Variants in EIF3J observed in about 807,000 individuals in gnomAD.
The protein encoded by EIF3J is eukaryotic translation initiation factor 3 subunit J, also known as eukaryotic translation initiation factor 3, subunit 1 (alpha, 35kD).
A neutral mutation model predicts 39.0 loss-of-function variants in EIF3J; 15 were observed. That is an observed-to-expected ratio of 0.38 (90% CI 0.26 to 0.59). The LOEUF is 0.59. EIF3J is among the 20% of genes least tolerant of loss of function. The pLI is 0.60. For missense variants in EIF3J, 226 were observed against 308.6 expected, an observed-to-expected ratio of 0.73 and a Z score of 2.00; for synonymous variants, 98 against 112.9, an observed-to-expected ratio of 0.87 and a Z score of 0.84.
At chr15:44,559,899 G>A (rs2082177789) in intron 6 of EIF3J, among the ~76,000 whole-genome samples, 1 of 151,990 alleles carries the variant, frequency 6.6e-6, no homozygotes, top group African/African-American at 2.4e-5. Context: ...GGTGATTACA[G>A]GTCGTCATTA....
intron 5 of EIF3J, among the ~76,000 whole-genome samples, chr15:44,556,243 G>A (rs2082143413): frequency 6.6e-6 from 1 of 152,126 alleles, no homozygotes; most frequent in Non-Finnish European, 1.5e-5. Flanking sequence ...ACTTTCACAG[G>A]ATCCATCTTT....
At chr15:44,554,712 G>T (rs753368081) in intron 5 of EIF3J, 45 bp downstream of exon 5, 1 of 1,301,058 alleles carries the variant, frequency 7.7e-7, no homozygotes, top group Non-Finnish European at 1.1e-6. Context: ...ACTGTTACAG[G>T]TGAAGACCCA....
chr15:44,539,778 A>G (rs1567114990), intron 2 of EIF3J, among the ~76,000 whole-genome samples: 2 of 127,834 alleles, frequency 1.6e-5, no homozygotes, highest in South Asian at 2.5e-4. Context: ...CTATTCATCT[A>G]ATTTTTTGAG....
At position 44,561,221 on chromosome 15, in the gene EIF3J, C is replaced by A; in HGVS notation, c.*72C>A. 2 of 1,515,152 alleles carry A rather than the reference C, an allele frequency of 1.3e-6. No individual in the cohort carries two copies. Among genetic ancestry groups the A allele is most frequent in the Non-Finnish European group, 1.8e-6 (2 of 1,124,864 alleles). The allele number at this position is 1,515,152 out of a possible 1,614,324, so 93.9% of individuals were successfully genotyped here. Reference sequence around the variant, plus strand: ...TGAACATGTAGCACAACTTCCTTTCCTTTCAGTTCTGCCAAATGCTACAAT... The same window carrying A: ...TGAACATGTAGCACAACTTCCTTTCATTTCAGTTCTGCCAAATGCTACAAT... On this transcript the variant is annotated 3_prime_UTR_variant, in exon 8 of 8. Coordinates refer to ENST00000261868, the MANE Select transcript of EIF3J (RefSeq NM_003758.4).
intron 2 of EIF3J, 87 bp downstream of exon 2, chr15:44,537,514 C>T: frequency 7.4e-7 from 1 of 1,358,894 alleles, no homozygotes; most frequent in Non-Finnish European, 9.6e-7. Flanking sequence ...CTGCCGGGGC[C>T]TGCGGGCCGT....
chr15:44,559,550 AC>A (rs1405837053), intron 6 of EIF3J, among the ~76,000 whole-genome samples: 5 of 141,652 alleles, frequency 3.5e-5, no homozygotes, highest in African/African-American at 1.1e-4. Context: ...TACTAAAAAT[AC>A]AAAAAATTAG....
rs1208429325 is a variant in EIF3J, at chr15:44,540,294, G to C, written c.147+2867G>C. ...TTTTTTTTTTTTTTTGTAGATACAGGGTTTCGCCATGTTACCTAGGCTGGT... is the reference window on the plus strand; with the variant it reads ...TTTTTTTTTTTTTTTGTAGATACAGCGTTTCGCCATGTTACCTAGGCTGGT... On this transcript the variant is annotated intron_variant, in intron 2 of 7. Coordinates refer to ENST00000261868, the MANE Select transcript of EIF3J (RefSeq NM_003758.4). Among the ~76,000 whole-genome samples the C allele has an allele frequency of 4.9e-5, 6 of 123,466 alleles. 1 individual carries two copies. In the South Asian group the frequency reaches 1.5e-3, roughly 32 times the overall value. 81.0% of individuals were successfully genotyped at this position (123,466 alleles called of 152,430 possible). A position where few individuals can be genotyped will look rare whatever the true frequency, so the allele number is the denominator to read the frequency against.
intron 2 of EIF3J, among the ~76,000 whole-genome samples, chr15:44,547,483 A>G (rs1334484855): frequency 1.9e-5 from 2 of 104,818 alleles, no homozygotes; most frequent in Non-Finnish European, 3.6e-5. Context: ...GTCTCGCCGC[A>G]CTGTCACCTG....
At chr15:44,540,245 ATATATATATATATATATATATATTT>A (rs2082000450) in intron 2 of EIF3J, among the ~76,000 whole-genome samples, 1 of 42,766 alleles carries the variant, frequency 2.3e-5, no homozygotes, top group African/African-American at 7.0e-5. Context: ...CTATATATAT[ATATATATATATATATATATATATTT>A]TTTTTTTTTT....
At chr15:44,547,996 G>A (rs1018645566) in intron 2 of EIF3J, among the ~76,000 whole-genome samples, 1 of 152,088 alleles carries the variant, frequency 6.6e-6, no homozygotes, top group Non-Finnish European at 1.5e-5. Context: ...TTCTTATGAA[G>A]TTAGATAAGT....
intron 7 of EIF3J, 46 bp from the exon 8 acceptor site, chr15:44,560,972 C>A (rs558377684): frequency 5.6e-6 from 9 of 1,600,690 alleles, no homozygotes; most frequent in Non-Finnish European, 7.7e-6. Flanking sequence ...AGATAAGATG[C>A]CCATAGCACA....
intron 6 of EIF3J, among the ~76,000 whole-genome samples, chr15:44,559,478 A>G (rs1477171302): frequency 6.6e-6 from 1 of 151,794 alleles, no homozygotes; most frequent in Non-Finnish European, 1.5e-5. Context: ...TGGGAGGCCG[A>G]GGCAGGCGGA....
chr15:44,546,246 C>T (rs987926790), intron 2 of EIF3J, among the ~76,000 whole-genome samples: 1 of 152,186 alleles, frequency 6.6e-6, no homozygotes, highest in African/African-American at 2.4e-5. Flanking sequence ...CAAATAATGA[C>T]TAGCTGGTTT....
chr15:44,548,632 G>A (rs1267067542), intron 2 of EIF3J, among the ~76,000 whole-genome samples: 1 of 152,216 alleles, frequency 6.6e-6, no homozygotes, highest in Non-Finnish European at 1.5e-5. Flanking sequence ...TATGGAGGCT[G>A]AGAAGTCCAG....
At chr15:44,560,117 T>C (rs1444624710) in intron 6 of EIF3J, 132 bp from the exon 7 acceptor site, 11 of 700,730 alleles carry the variant, frequency 1.6e-5, no homozygotes, top group Non-Finnish European at 2.3e-5. Flanking sequence ...AATGAACAAA[T>C]TGGATTTCTC....
Position 44,557,651 on chromosome 15 carries a change from G to A in EIF3J, c.571+1G>A. 1 of 1,464,138 alleles carries A rather than the reference G, an allele frequency of 6.8e-7. No individual in the cohort carries two copies. Among genetic ancestry groups the A allele is most frequent in the South Asian group, 1.6e-5 (1 of 64,484 alleles). The allele number at this position is 1,464,138 out of a possible 1,614,324, so 90.7% of individuals were successfully genotyped here. ...TTAGTTCGAGATGTGTGTATTTCATGTAAGTAATTCTAATTTCTAGCCCCT... is the reference window on the plus strand; with the variant it reads ...TTAGTTCGAGATGTGTGTATTTCATATAAGTAATTCTAATTTCTAGCCCCT... On this transcript the variant is annotated splice_donor_variant, in intron 6 of 7. Coordinates refer to ENST00000261868, the MANE Select transcript of EIF3J (RefSeq NM_003758.4). LOFTEE classifies it high-confidence loss of function.
chr15:44,557,620 G>C lies in EIF3J; in HGVS notation c.541G>C (p.Glu181Gln). The C allele has an allele frequency of 3.3e-6, 5 of 1,524,760 alleles. No individual in the cohort carries two copies. Among genetic ancestry groups the C allele is most frequent in the Non-Finnish European group, 4.4e-6 (5 of 1,135,466 alleles). 94.5% of individuals were successfully genotyped at this position (1,524,760 alleles called of 1,614,324 possible). The change falls in exon 6 of 8, where the codon GAA (glutamate) becomes CAA (glutamine). Residue 181 changes from glutamate (E) to glutamine (Q), a missense_variant. By Grantham distance (29) the Glu-to-Gln change is conservative. This residue lies in a region of EIF3J where 83 missense variants were observed against 152.6 expected (regional missense o/e 0.54). Transcript: ENST00000261868. ...GTCACTATATTATGCCAGTTTTTTG[G>C]AAGTCTTAGTTCGAGATGTGTGTAT... ...EKSLYYASFL[E>Q]VLVRDVCISL...
At chr15:44,552,804 C>T (rs996680593) in intron 4 of EIF3J, among the ~76,000 whole-genome samples, 1 of 152,222 alleles carries the variant, frequency 6.6e-6, no homozygotes, top group African/African-American at 2.4e-5. Context: ...AGGTGATCCA[C>T]CCGCCTTGGC....
chr15:44,554,863 T>A (rs1022992894), intron 5 of EIF3J, among the ~76,000 whole-genome samples, 196 bp downstream of exon 5: 2 of 152,216 alleles, frequency 1.3e-5, no homozygotes, highest in African/African-American at 4.8e-5. Flanking sequence ...AGTAAAAGAT[T>A]ATTAAGATAA....
Sources: gnomAD v4.1 joint callset for allele counts (sites outside exome capture counted in the v4.1 genomes callset) on GRCh38, gnomAD v4.1.1 for gene constraint, gnomAD v4.1.1 regional missense constraint, MANE v1.5 for transcripts, NCBI Gene and HGNC (gene_info 2026-07-23, HGNC 2026-07-21) for gene names.